Variants in DTNA observed in about 807,000 individuals in gnomAD.
DTNA encodes dystrobrevin alpha, also known as dystrophin-related protein 3.
Under a neutral mutation model 100.7 loss-of-function variants are expected in DTNA, and 43 were observed. The observed-to-expected ratio is 0.43, with a 90% CI of 0.33 to 0.55. The LOEUF (loss-of-function observed/expected upper bound fraction) is 0.55, where lower values mean the gene tolerates loss of function less well. DTNA is among the 20% of genes least tolerant of loss of function. The pLI, the probability that DTNA is intolerant of heterozygous loss-of-function variation, is 0.04. For synonymous variants in DTNA, 349 were observed against 347.9 expected, an observed-to-expected ratio of 1.00 and a Z score of -0.04; for missense variants, 798 against 953.9, an observed-to-expected ratio of 0.84 and a Z score of 2.15.
At chr18:34,775,524 A>G (rs569816823) in intron 3 of DTNA, among the ~76,000 whole-genome samples, 5 of 152,152 alleles carry the variant, frequency 3.3e-5, no homozygotes, top group Admixed American at 6.5e-5. Flanking sequence ...ATAAAAGCAG[A>G]GAGTTTTATC....
intron 10 of DTNA, 26 bp downstream of exon 10, chr18:34,827,702 A>C: frequency 6.2e-7 from 1 of 1,606,244 alleles, no homozygotes; most frequent in Non-Finnish European, 8.5e-7. Context: ...ATTATAAAAT[A>C]AGCCCTTTCT....
chr18:34,769,725 C>CTTTTTTTTTTTTTTTTT lies in DTNA; in HGVS notation c.148+3699_148+3700insTTTTTTTTTTTTTTTTT, dbSNP rs61242937. 4.1e-4 allele frequency among the ~76,000 whole-genome samples: 22 copies of CTTTTTTTTTTTTTTTTT among 53,876 alleles called. 3 individuals carry two copies. Among genetic ancestry groups the CTTTTTTTTTTTTTTTTT allele is most frequent in the South Asian group, 8.3e-4 (1 of 1,202 alleles). 35.3% of individuals were successfully genotyped at this position (53,876 alleles called of 152,430 possible). A position where few individuals can be genotyped will look rare whatever the true frequency, so the allele number is the denominator to read the frequency against. On this transcript the variant is annotated intron_variant, in intron 3 of 22. Transcript: ENST00000444659. ...GAAGAAGCAAGGCAGCCCTCTGGGG[C>CTTTTTTTTTTTTTTTTT]TTTTTTTTTTTTTTTGACAGAGTTT...
chr18:34,714,546 A>G (rs531172341), intron 1 of DTNA, among the ~76,000 whole-genome samples: 409 of 149,654 alleles, frequency 2.7e-3, no homozygotes, highest in Non-Finnish European at 4.2e-3. Flanking sequence ...ACCATCTCAC[A>G]CCAGTTAGAA....
At chr18:34,632,808 T>G (rs184802362) in intron 1 of DTNA, among the ~76,000 whole-genome samples, 155 of 152,302 alleles carry the variant, frequency 1.0e-3, no homozygotes, top group African/African-American at 3.7e-3. Flanking sequence ...TTTTCATCAA[T>G]AAAATGAGAT....
intron 1 of DTNA, among the ~76,000 whole-genome samples, chr18:34,522,625 C>T (rs750363406): frequency 1.3e-5 from 2 of 152,088 alleles, no homozygotes; most frequent in Non-Finnish European, 2.9e-5. Context: ...GCAGCTCTGC[C>T]CTCTTTTTAT....
rs555540929 is a variant in DTNA, at chr18:34,843,567, A to G, written c.1347-4729A>G. 1.9e-4 allele frequency among the ~76,000 whole-genome samples: 29 copies of G among 152,202 alleles called. No individual in the cohort carries two copies. The South Asian group carries it at 5.8e-3, about 31-fold the overall frequency. Reference sequence around the variant, plus strand: ...GGACACCTTCCTGCTGTGTCCGCAAATAACCTTTTTTCTCTACCCTAGTGT... The same window carrying G: ...GGACACCTTCCTGCTGTGTCCGCAAGTAACCTTTTTTCTCTACCCTAGTGT... On this transcript the variant is annotated intron_variant, in intron 13 of 22. Transcript: ENST00000444659.
intron 1 of DTNA, among the ~76,000 whole-genome samples, chr18:34,715,558 A>T (rs2083871535): frequency 6.6e-6 from 1 of 152,130 alleles, no homozygotes; most frequent in Non-Finnish European, 1.5e-5. Context: ...ACATTTACTC[A>T]GAAAAATTAC....
intron 1 of DTNA, among the ~76,000 whole-genome samples, chr18:34,605,028 A>G (rs1434618106): frequency 3.3e-5 from 5 of 152,090 alleles, no homozygotes; most frequent in Non-Finnish European, 7.4e-5. Flanking sequence ...TTAACTTAGA[A>G]ACATCCAAGT....
rs565934764 is a variant in DTNA, at chr18:34,869,559, C to T, written c.1743+5497C>T. On this transcript the variant is annotated intron_variant, in intron 17 of 22. Coordinates refer to ENST00000444659, the MANE Select transcript of DTNA (RefSeq NM_001386795.1). The stretch of plus-strand genomic sequence containing the variant: ...ACTAATATCTACAGAGTGTGGCTTT[C>T]GCCATAATTTGAGTAGGTATATTAA... Among the ~76,000 whole-genome samples, 12 of 152,206 alleles carry T rather than the reference C, an allele frequency of 7.9e-5. 1 individual carries two copies. In the South Asian group the frequency reaches 1.0e-3, roughly 13 times the overall value.
In DTNA at chr18:34,818,289, T is replaced by C. The variant is rs111611922; in HGVS notation, c.835T>C (p.Ser279Pro). The C allele has an allele frequency of 6.2e-7, 1 of 1,613,816 alleles. No homozygotes were observed. Among genetic ancestry groups the C allele is most frequent in the African/African-American group, 1.3e-5 (1 of 74,876 alleles). Residue 279 changes from serine to proline, a missense_variant, in exon 8 of 23, where the codon TCT becomes CCT. Transcript: ENST00000444659. ...DCFWRGHAGG[S>P]HSNQHQMKEY... ...CTTCTGGAGGGGACATGCCGGTGGT[T>C]CTCATAGCAACCAGCACCAAATGAA...
At chr18:34,756,111 A>G in intron 2 of DTNA, 68 bp downstream of exon 2, 1 of 1,496,818 alleles carries the variant, frequency 6.7e-7, no homozygotes, top group Non-Finnish European at 9.2e-7. Context: ...GCTAGAAATA[A>G]CCATTTATCT....
At chr18:34,687,681 A>G (rs560770864) in intron 1 of DTNA, among the ~76,000 whole-genome samples, 1 of 152,272 alleles carries the variant, frequency 6.6e-6, no homozygotes, top group African/African-American at 2.4e-5. Flanking sequence ...GCTGAGTTCA[A>G]GTTCTGAATA....
intron 1 of DTNA, among the ~76,000 whole-genome samples, chr18:34,726,651 A>T (rs372489074): frequency 6.6e-6 from 1 of 152,354 alleles, no homozygotes; most frequent in East Asian, 1.9e-4. Flanking sequence ...ACCAGAGCAC[A>T]CTGGTGCAAG....
intron 1 of DTNA, among the ~76,000 whole-genome samples, chr18:34,543,161 T>C (rs995353244): frequency 1.3e-5 from 2 of 152,086 alleles, no homozygotes; most frequent in African/African-American, 4.8e-5. Flanking sequence ...TACATCTAGA[T>C]GTTTCTCTAT....
chr18:34,857,548 G>A (rs1029131753), intron 15 of DTNA, among the ~76,000 whole-genome samples: 7 of 152,166 alleles, frequency 4.6e-5, no homozygotes, highest in Admixed American at 2.6e-4. Context: ...ATGCAGGGAA[G>A]CCCAGGCTCT....
intron 1 of DTNA, among the ~76,000 whole-genome samples, chr18:34,549,785 T>A (rs1322433721): frequency 1.3e-5 from 2 of 152,108 alleles, no homozygotes; most frequent in Admixed American, 6.6e-5. Flanking sequence ...GTAACAACTA[T>A]TGCCTTTTAT....
intron 3 of DTNA, among the ~76,000 whole-genome samples, chr18:34,784,484 A>G (rs934531332): frequency 2.6e-5 from 4 of 152,076 alleles, no homozygotes; most frequent in Admixed American, 1.3e-4. Flanking sequence ...ATCCCCATCT[A>G]TGCACTTTCT....
At chr18:34,824,928 A>AT (rs2095821488) in intron 9 of DTNA, among the ~76,000 whole-genome samples, 2 of 133,580 alleles carry the variant, frequency 1.5e-5, no homozygotes, top group Non-Finnish European at 3.2e-5. Flanking sequence ...AGCCTTAGAT[A>AT]CAGTAAAAAA....
At chr18:34,867,512 TG>T in intron 17 of DTNA, 1 of 1,183,216 alleles carries the variant, frequency 8.5e-7, no homozygotes, top group Non-Finnish European at 1.0e-6. Context: ...TAAAGAAAAA[TG>T]CCTTCTTCAT....
Sources: allele counts gnomAD v4.1 joint callset (sites outside exome capture counted in the v4.1 genomes callset), GRCh38; gene constraint gnomAD v4.1.1; transcripts MANE v1.5; gene names NCBI Gene and HGNC (gene_info 2026-07-23, HGNC 2026-07-21).